The following FAF2 variants were observed in gnomAD, a reference collection of about 807,000 sequenced individuals.
FAF2 encodes Fas associated factor family member 2.
In FAF2, 9 loss-of-function variants were observed where a neutral mutation model predicts 62.3. That is an observed-to-expected ratio of 0.14 (90% CI 0.09 to 0.25). The LOEUF is 0.25. Among genes scored for constraint, FAF2 ranks in the 10% least tolerant of loss-of-function variants. FAF2 has a pLI of 1.00. For missense variants in FAF2, 368 were observed against 556.2 expected (o/e 0.66, Z 3.40); for synonymous variants, 202 against 198.0 (o/e 1.02, Z -0.17).
intron 1 of FAF2, among the ~76,000 whole-genome samples, chr5:176,463,196 C>G (rs1758410327): frequency 6.6e-6 from 1 of 151,926 alleles, no homozygotes; most frequent in African/African-American, 2.4e-5. Flanking sequence ...GAATTTGAGA[C>G]CTGCCTGGCC....
chr5:176,499,742 T>A (rs941183357), intron 9 of FAF2, among the ~76,000 whole-genome samples: 1 of 152,102 alleles, frequency 6.6e-6, no homozygotes, highest in African/African-American at 2.4e-5. Context: ...TGCTGTGGCC[T>A]CTGAAGTAGC....
chr5:176,462,788 G>T (rs1055538893), intron 1 of FAF2, among the ~76,000 whole-genome samples: 2 of 152,028 alleles, frequency 1.3e-5, no homozygotes, highest in African/African-American at 4.8e-5. Flanking sequence ...AAATTCTAGG[G>T]GTGTGATTTC....
intron 1 of FAF2, among the ~76,000 whole-genome samples, chr5:176,460,988 T>C (rs1226185265): frequency 6.8e-6 from 1 of 148,012 alleles, no homozygotes; most frequent in African/African-American, 2.5e-5. Context: ...GTTCATGTAC[T>C]TTTGCACCCA....
At chr5:176,504,953 G>A (rs1239365564) in intron 10 of FAF2, among the ~76,000 whole-genome samples, 1 of 151,624 alleles carries the variant, frequency 6.6e-6, no homozygotes, top group African/African-American at 2.4e-5. Context: ...AACCTGGGAG[G>A]TCGAGGCTGC....
At chr5:176,477,070 A>G (rs11134976) in intron 1 of FAF2, among the ~76,000 whole-genome samples, 70,582 of 144,532 alleles carry the variant, frequency 0.49, 17,126 homozygotes, top group Non-Finnish European at 0.52. Context: ...GGCCTCCCAA[A>G]GTGCTGAGAT....
intron 10 of FAF2, among the ~76,000 whole-genome samples, chr5:176,504,484 T>C (rs756137936): frequency 2.6e-5 from 4 of 151,792 alleles, no homozygotes; most frequent in African/African-American, 9.7e-5. Flanking sequence ...CTTGGGAGGC[T>C]GAGGCAGGAA....
At chr5:176,487,354 T>G (rs1199128911) in intron 3 of FAF2, among the ~76,000 whole-genome samples, 1 of 152,152 alleles carries the variant, frequency 6.6e-6, no homozygotes, top group African/African-American at 2.4e-5. Context: ...GGTTAATTTT[T>G]GTATTTTTTG....
chr5:176,479,065 C>T, intron 1 of FAF2, 123 bp from the exon 2 acceptor site: 1 of 767,552 alleles, frequency 1.3e-6, no homozygotes, highest in South Asian at 1.5e-5. Flanking sequence ...GAAGTTTTAC[C>T]ATACTTTAAC....
chr5:176,506,932 G>A lies in FAF2; in HGVS notation c.1320G>A (p.Gln440=). The A allele has an allele frequency of 6.4e-7, 1 of 1,557,540 alleles. No homozygotes were observed. Among genetic ancestry groups the A allele is most frequent in the Non-Finnish European group, 8.7e-7 (1 of 1,147,592 alleles). The change falls in exon 11 of 11, where the codon CAG becomes CAA. Residue 440 remains glutamine, a synonymous_variant. Transcript: ENST00000261942. ...GCCACACAGAAGTTCTTTTTGTTCA[G>A]GACCTAACTGACGAATGACATTTTT... is the stretch of plus-strand genomic sequence containing the variant. ...GLSHTEVLFV[Q]DLTDE
At chr5:176,468,715 C>T (rs1453453778) in intron 1 of FAF2, among the ~76,000 whole-genome samples, 1 of 151,866 alleles carries the variant, frequency 6.6e-6, no homozygotes, top group Non-Finnish European at 1.5e-5. Context: ...GGAGGATCAC[C>T]TGAGGCAAGG....
chr5:176,478,021 C>A (rs1456943948), intron 1 of FAF2, among the ~76,000 whole-genome samples: 2 of 152,180 alleles, frequency 1.3e-5, no homozygotes, highest in African/African-American at 4.8e-5. Context: ...AGGCATGTAG[C>A]ACACATTTGT....
intron 1 of FAF2, among the ~76,000 whole-genome samples, chr5:176,455,505 T>C (rs1393753852): frequency 2.7e-5 from 4 of 147,306 alleles, no homozygotes; most frequent in Admixed American, 1.4e-4. Flanking sequence ...ATCCCAGCAC[T>C]TTGGGAGGCT....
chr5:176,462,010 C>G (rs1286098363), intron 1 of FAF2, among the ~76,000 whole-genome samples: 1 of 152,162 alleles, frequency 6.6e-6, no homozygotes, highest in Admixed American at 6.5e-5. Flanking sequence ...GGTGCAGTGT[C>G]TCACACCTGT....
At chr5:176,475,299 T>A (rs1027955981) in intron 1 of FAF2, among the ~76,000 whole-genome samples, 1 of 152,032 alleles carries the variant, frequency 6.6e-6, no homozygotes, top group Non-Finnish European at 1.5e-5. Context: ...CCGGCTAATT[T>A]TTTTTGTATT....
chr5:176,488,827 A>G, intron 3 of FAF2, 124 bp from the exon 4 acceptor site: 1 of 708,812 alleles, frequency 1.4e-6, no homozygotes. Flanking sequence ...AGGAAGAAGG[A>G]ACTGTACTTT....
At chr5:176,448,945 G>A (rs1014292021) in intron 1 of FAF2, among the ~76,000 whole-genome samples, 1 of 152,156 alleles carries the variant, frequency 6.6e-6, no homozygotes, top group African/African-American at 2.4e-5. Context: ...TCGTGTTGGG[G>A]GTTCCGGTCG....
intron 5 of FAF2, 65 bp from the exon 6 acceptor site, chr5:176,493,934 C>A: frequency 1.8e-6 from 2 of 1,118,396 alleles, no homozygotes; most frequent in South Asian, 1.3e-5. Flanking sequence ...CATTAGGACC[C>A]TTAGCTTAAA....
At chr5:176,499,154 T>C in intron 9 of FAF2, 69 bp downstream of exon 9, 1 of 1,402,620 alleles carries the variant, frequency 7.1e-7, no homozygotes, top group Non-Finnish European at 9.4e-7. Flanking sequence ...TGGTCTTAAG[T>C]GTGAAAGGAA....
At chr5:176,473,977 A>G (rs1303547177) in intron 1 of FAF2, among the ~76,000 whole-genome samples, 1 of 152,172 alleles carries the variant, frequency 6.6e-6, no homozygotes, top group Non-Finnish European at 1.5e-5. Context: ...AGAATCAGCC[A>G]CTTCTCCAAG....
Sources: gnomAD v4.1 joint callset for allele counts (sites outside exome capture counted in the v4.1 genomes callset) on GRCh38, gnomAD v4.1.1 for gene constraint, MANE v1.5 for transcripts, NCBI Gene and HGNC (gene_info 2026-07-23, HGNC 2026-07-21) for gene names.